PTGFRN: variants seen among roughly 807,000 people sequenced by gnomAD.
PTGFRN encodes prostaglandin F2 receptor negative regulator.
Under a neutral mutation model 83.2 loss-of-function variants are expected in PTGFRN, and 35 were observed. The observed-to-expected ratio is 0.42, with a 90% CI of 0.32 to 0.56. The LOEUF is 0.56. Among genes scored for constraint, PTGFRN ranks in the 20% least tolerant of loss-of-function variants. The pLI is 0.11. For missense variants in PTGFRN, 1,051 were observed against 1,179.5 expected (o/e 0.89, Z 1.60); for synonymous variants, 519 against 498.6 (o/e 1.04, Z -0.55).
chr1:116,930,407 C>T (rs972794468), intron 1 of PTGFRN, among the ~76,000 whole-genome samples: 41 of 152,120 alleles, frequency 2.7e-4, no homozygotes, highest in Admixed American at 1.5e-3. Flanking sequence ...ATGGTGTCAT[C>T]GACTCCCACG....
intron 1 of PTGFRN, among the ~76,000 whole-genome samples, chr1:116,912,554 C>A (rs1463937952): frequency 6.6e-6 from 1 of 152,222 alleles, no homozygotes; most frequent in East Asian, 1.9e-4. Context: ...TTCTTTCTTT[C>A]CTTCCTGTTT....
chr1:116,965,226 A>T (rs74113325), intron 5 of PTGFRN, among the ~76,000 whole-genome samples: 1 of 152,152 alleles, frequency 6.6e-6, no homozygotes, highest in African/African-American at 2.4e-5. Flanking sequence ...TCTTCCCAAG[A>T]TAGATAGGAC....
intron 1 of PTGFRN, among the ~76,000 whole-genome samples, chr1:116,925,225 C>T (rs946755312): frequency 6.6e-6 from 1 of 151,970 alleles, no homozygotes; most frequent in African/African-American, 2.4e-5. Context: ...GCCAGAAGTT[C>T]GAGACCACCC....
chr1:116,921,904 A>G (rs1030019651), intron 1 of PTGFRN, among the ~76,000 whole-genome samples: 2 of 152,190 alleles, frequency 1.3e-5, no homozygotes, highest in Non-Finnish European at 2.9e-5. Context: ...AGCCAGGAGC[A>G]GGAGGAAATG....
chr1:116,943,974 T>C (rs374755198), intron 2 of PTGFRN, among the ~76,000 whole-genome samples: 11 of 152,298 alleles, frequency 7.2e-5, no homozygotes, highest in African/African-American at 2.6e-4. Flanking sequence ...CATCTACTGC[T>C]TTTTTCCTGA....
chr1:116,984,893 C>G lies in PTGFRN; in HGVS notation c.2381C>G (p.Ser794Cys). 1 of 1,614,180 alleles carries G rather than the reference C, an allele frequency of 6.2e-7. No individual in the cohort carries two copies. Among genetic ancestry groups the G allele is most frequent in the Non-Finnish European group, 8.5e-7 (1 of 1,180,014 alleles). The change falls in exon 8 of 9, where the codon TCC becomes TGC. Residue 794 changes from serine (S) to cysteine (C), a missense_variant. Transcript: ENST00000393203. ...EDQDFGNYYC[S>C]VTPWVKSPTG... ...CAGGACTTTGGCAACTACTACTGTT[C>G]CGTGACTCCATGGGTGAAGTCACCA...
intron 1 of PTGFRN, among the ~76,000 whole-genome samples, chr1:116,934,039 C>T (rs141731135): frequency 6.6e-6 from 1 of 152,286 alleles, no homozygotes; most frequent in East Asian, 1.9e-4. Flanking sequence ...GGCCTTTTTA[C>T]TGTGTCTCAT....
intron 2 of PTGFRN, among the ~76,000 whole-genome samples, chr1:116,942,835 A>C (rs1435691097): frequency 6.6e-6 from 1 of 152,246 alleles, no homozygotes; most frequent in Non-Finnish European, 1.5e-5. Context: ...CACACATTCA[A>C]TTCTCTGAAC....
chr1:116,973,321 A>G (rs559959052), intron 6 of PTGFRN, among the ~76,000 whole-genome samples: 33 of 152,066 alleles, frequency 2.2e-4, no homozygotes, highest in African/African-American at 6.0e-4. Flanking sequence ...AGCCTCCCCA[A>G]CCTCAGTAGT....
chr1:116,940,788 T>C (rs1650040258), intron 1 of PTGFRN, among the ~76,000 whole-genome samples: 1 of 152,208 alleles, frequency 6.6e-6, no homozygotes, highest in African/African-American at 2.4e-5. Flanking sequence ...TTATATGTTA[T>C]TGCAAGAACA....
intron 1 of PTGFRN, among the ~76,000 whole-genome samples, chr1:116,917,540 C>T (rs181229486): frequency 1.3e-5 from 2 of 152,304 alleles, no homozygotes; most frequent in Admixed American, 1.3e-4. Flanking sequence ...CATGCAGTCT[C>T]TGCAGTGATC....
At chr1:116,967,365 C>T (rs12403233) in intron 6 of PTGFRN, 35 bp downstream of exon 6, 300,002 of 1,575,244 alleles carry the variant, frequency 0.19, 29,576 homozygotes, top group Middle Eastern at 0.21. Flanking sequence ...ATAGGTGGAG[C>T]TAGAAGAGAC....
intron 1 of PTGFRN, among the ~76,000 whole-genome samples, chr1:116,914,113 G>A (rs1277621557): frequency 6.6e-6 from 1 of 152,194 alleles, no homozygotes; most frequent in African/African-American, 2.4e-5. Context: ...AGGGTTGGGT[G>A]GGAACCCTGC....
intron 6 of PTGFRN, among the ~76,000 whole-genome samples, chr1:116,970,811 G>A (rs1209070113): frequency 6.6e-6 from 1 of 152,132 alleles, no homozygotes; most frequent in African/African-American, 2.4e-5. Context: ...CATACCTTAA[G>A]ACACGCAACA....
intron 1 of PTGFRN, among the ~76,000 whole-genome samples, chr1:116,924,474 T>A (rs536095226): frequency 6.6e-6 from 1 of 152,208 alleles, no homozygotes; most frequent in Non-Finnish European, 1.5e-5. Flanking sequence ...ATTAGTGCCA[T>A]GTCTGGATTG....
In PTGFRN at chr1:116,984,972, T is replaced by C. The variant is rs111289655; in HGVS notation, c.2460T>C (p.Thr820=). 6.2e-4 allele frequency: 993 copies of C among 1,613,346 alleles called. 10 individuals carry two copies. Among genetic ancestry groups the C allele is most frequent in the Non-Finnish European group, 1.2e-4 (143 of 1,179,444 alleles). ...TCCACTCCAAGCCCGTTTTTATAAC[T>C]GTGAAGATGGATGGTAAGAATGTCA... ...AEIHSKPVFI[T]VKMDVLNAFK... The change falls in exon 8 of 9, where the codon ACT becomes ACC. Residue 820 remains threonine, a synonymous_variant. Transcript: ENST00000393203.
rs1045512246 is a variant in PTGFRN, at chr1:116,923,386, G to C, written c.49+13134G>C. Among the ~76,000 whole-genome samples, 12 of 152,126 alleles carry C rather than the reference G, an allele frequency of 7.9e-5. No homozygotes were observed. Among genetic ancestry groups the C allele is most frequent in the African/African-American group, 2.9e-4 (12 of 41,430 alleles). ...TGCGTGTGACTTCATTTCTAAGACA[G>C]GTTTTTGTGGTAGAGTAGGAAAAAA... On this transcript the variant is annotated intron_variant, in intron 1 of 8. Coordinates refer to ENST00000393203, the MANE Select transcript of PTGFRN (RefSeq NM_020440.4). The surrounding 1 kb of genome is among the most constrained non-coding windows in gnomAD (Gnocchi z 4.0).
chr1:116,933,814 T>C (rs1047721542), intron 1 of PTGFRN, among the ~76,000 whole-genome samples: 3 of 152,226 alleles, frequency 2.0e-5, no homozygotes, highest in Admixed American at 2.0e-4. Context: ...TGTATTCCTG[T>C]TCCTTTCTCT....
intron 4 of PTGFRN, among the ~76,000 whole-genome samples, chr1:116,953,811 G>GGAGCAAAT (rs1283005870): frequency 2.6e-5 from 4 of 151,626 alleles, no homozygotes; most frequent in Non-Finnish European, 5.9e-5. Context: ...TTCTCTGGGA[G>GGAGCAAAT]GAGCAAATGA....
Sources: gnomAD v4.1 joint callset for allele counts (sites outside exome capture counted in the v4.1 genomes callset) on GRCh38, gnomAD v4.1.1 for gene constraint, Gnocchi (gnomAD v3.1) non-coding constraint, MANE v1.5 for transcripts, NCBI Gene and HGNC (gene_info 2026-07-23, HGNC 2026-07-21) for gene names.